DIP2C: variants seen among roughly 807,000 people sequenced by gnomAD.
DIP2C encodes the protein DIP2 acetate--CoA ligase C (putative).
A neutral mutation model predicts 192.4 loss-of-function variants in DIP2C; 33 were observed. The ratio of observed to expected loss-of-function variants is 0.17; its 90% CI spans 0.13 to 0.23. DIP2C has a LOEUF of 0.23. Ranked by LOEUF, DIP2C falls within the 10% of genes least tolerant of loss-of-function variation. The pLI, the probability that DIP2C is intolerant of heterozygous loss-of-function variation, is 1.00. For missense variants in DIP2C, 1,537 were observed against 2,110.1 expected (o/e 0.73, Z 5.32); for synonymous variants, 979 against 864.1 (o/e 1.13, Z -2.33).
chr10:398,539 C>T (rs569850055), intron 10 of DIP2C, among the ~76,000 whole-genome samples: 3 of 152,224 alleles, frequency 2.0e-5, no homozygotes, highest in Non-Finnish European at 4.4e-5. Flanking sequence ...CCTGGGCACA[C>T]GTTCTCAGGA....
intron 26 of DIP2C, among the ~76,000 whole-genome samples, chr10:347,878 G>A (rs1319096915): frequency 1.7e-5 from 2 of 118,936 alleles, no homozygotes; most frequent in African/African-American, 6.7e-5. Context: ...TAGCTCTCCC[G>A]GAAACCCCAC....
intron 1 of DIP2C, among the ~76,000 whole-genome samples, chr10:489,820 C>A: frequency 9.0e-6 from 1 of 111,682 alleles, no homozygotes; most frequent in Non-Finnish European, 1.8e-5. Flanking sequence ...GTGCCCGGGG[C>A]TTCCTCCACC....
At chr10:348,445 C>A (rs1028330451) in intron 26 of DIP2C, among the ~76,000 whole-genome samples, 196 bp downstream of exon 26, 1 of 152,170 alleles carries the variant, frequency 6.6e-6, no homozygotes, top group Non-Finnish European at 1.5e-5. Flanking sequence ...TCTGCCTCCA[C>A]ACACGTTTAC....
chr10:476,963 G>C (rs1039276051), intron 2 of DIP2C, among the ~76,000 whole-genome samples: 1 of 151,368 alleles, frequency 6.6e-6, no homozygotes, highest in East Asian at 2.0e-4. Context: ...GGATGGGCTC[G>C]GGAAATAATT....
chr10:401,208 T>C (rs1455104713), intron 9 of DIP2C, among the ~76,000 whole-genome samples: 100 of 151,138 alleles, frequency 6.6e-4, no homozygotes, highest in Middle Eastern at 6.9e-3. Context: ...TTAGCATTAC[T>C]CTTCCTTATG....
At chr10:357,505 C>T (rs985793496) in intron 23 of DIP2C, among the ~76,000 whole-genome samples, 1 of 152,220 alleles carries the variant, frequency 6.6e-6, no homozygotes, top group Non-Finnish European at 1.5e-5. Flanking sequence ...ACACCCCTCA[C>T]CGATTTCTGC....
chr10:559,164 A>G (rs1333231509), intron 1 of DIP2C, among the ~76,000 whole-genome samples: 4 of 152,258 alleles, frequency 2.6e-5, no homozygotes, highest in Admixed American at 1.3e-4. Flanking sequence ...TGTATCTCAT[A>G]TGCTCATGAG....
At chr10:345,678 C>G (rs1159618899) in intron 26 of DIP2C, among the ~76,000 whole-genome samples, 1 of 21,444 alleles carries the variant, frequency 4.7e-5, no homozygotes, top group Non-Finnish European at 8.5e-5. Context: ...CCAGACACAT[C>G]ACGTATAGTT....
At chr10:413,873 A>AG in intron 8 of DIP2C, 40 bp downstream of exon 8, 2 of 1,596,782 alleles carry the variant, frequency 1.3e-6, no homozygotes, top group Non-Finnish European at 1.7e-6. Flanking sequence ...TGGCTGTGCG[A>AG]GGGGGTGGGC....
At chr10:504,897 G>A (rs549822464) in intron 1 of DIP2C, among the ~76,000 whole-genome samples, 7 of 152,262 alleles carry the variant, frequency 4.6e-5, no homozygotes, top group African/African-American at 1.7e-4. Context: ...CAGAGAAGAG[G>A]TGAGCTCTTC....
rs993979581 is a variant in DIP2C at position 636,875 on chromosome 10, A to C, written c.85+52619T>G. Among the ~76,000 whole-genome samples the C allele has an allele frequency of 7.2e-5, 11 of 152,222 alleles. No homozygotes were observed. Among genetic ancestry groups the C allele is most frequent in the Admixed American group, 6.5e-4 (10 of 15,290 alleles). On this transcript the variant is annotated intron_variant, in intron 1 of 36. Transcript: ENST00000280886. The surrounding 1 kb of genome is among the most constrained non-coding windows in gnomAD (Gnocchi z 4.6). ...CACCTTCCGTCATACACTTCTCAGC[A>C]GCTTCCCGGTGAGGCTGCTGGTTCA...
At chr10:510,599 T>C (rs556759767) in intron 1 of DIP2C, among the ~76,000 whole-genome samples, 15 of 151,832 alleles carry the variant, frequency 9.9e-5, no homozygotes, top group East Asian at 1.9e-4. Context: ...CTGGCTGAGA[T>C]TTTAACAGCG....
At chr10:569,084 T>G (rs1013947251) in intron 1 of DIP2C, among the ~76,000 whole-genome samples, 4 of 152,114 alleles carry the variant, frequency 2.6e-5, no homozygotes, top group African/African-American at 9.7e-5. Flanking sequence ...TAAGGTGCGG[T>G]CAAGGGTCTG....
intron 1 of DIP2C, among the ~76,000 whole-genome samples, chr10:501,808 CA>C (rs1845253035): frequency 6.6e-6 from 1 of 152,082 alleles, no homozygotes; most frequent in African/African-American, 2.4e-5. Context: ...AGGTATTTGG[CA>C]ATATCAGAAC....
intron 9 of DIP2C, among the ~76,000 whole-genome samples, chr10:403,862 G>C (rs1964600737): frequency 1.0e-5 from 1 of 99,412 alleles, no homozygotes; most frequent in African/African-American, 3.9e-5. Context: ...ACGTGTGGTG[G>C]CATTAGCATT....
chr10:482,799 G>A (rs1843702429), intron 2 of DIP2C, among the ~76,000 whole-genome samples: 1 of 152,190 alleles, frequency 6.6e-6, no homozygotes, highest in Non-Finnish European at 1.5e-5. Flanking sequence ...TGAAGAGGCT[G>A]CCAGGCAGTG....
intron 1 of DIP2C, among the ~76,000 whole-genome samples, chr10:533,175 G>C (rs776555637): frequency 1.3e-5 from 2 of 152,148 alleles, no homozygotes; most frequent in Non-Finnish European, 2.9e-5. Context: ...ACCCTCCCTC[G>C]ACGAAGCCTA....
intron 32 of DIP2C, among the ~76,000 whole-genome samples, chr10:296,639 A>G (rs1955766123): frequency 6.6e-6 from 1 of 152,160 alleles, no homozygotes; most frequent in South Asian, 2.1e-4. Context: ...GAACCAACCC[A>G]AATGCCCATC....
intron 4 of DIP2C, among the ~76,000 whole-genome samples, chr10:429,687 T>G (rs1222861276): frequency 1.3e-5 from 2 of 151,844 alleles, no homozygotes; most frequent in Non-Finnish European, 2.9e-5. Flanking sequence ...TCAATTTAAG[T>G]TTCCTCCATG....
Sources: allele counts gnomAD v4.1 joint callset (sites outside exome capture counted in the v4.1 genomes callset), GRCh38; gene constraint gnomAD v4.1.1; non-coding constraint Gnocchi (gnomAD v3.1); transcripts MANE v1.5; gene names NCBI Gene and HGNC (gene_info 2026-07-23, HGNC 2026-07-21).